The following LPL variants were observed in gnomAD, a reference collection of about 807,000 sequenced individuals.
LPL encodes lipoprotein lipase.
Under a neutral mutation model 52.2 loss-of-function variants are expected in LPL, and 43 were observed. That is an observed-to-expected ratio of 0.82 (90% CI 0.64 to 1.06). The LOEUF (loss-of-function observed/expected upper bound fraction) is 1.06. Among genes scored for constraint, LPL ranks in the 50% least tolerant of loss-of-function variants. The pLI, the probability that LPL is intolerant of heterozygous loss-of-function variation, is 0.00. For synonymous variants in LPL, 244 were observed against 215.6 expected (o/e 1.13, Z -1.15); for missense variants, 639 against 585.3 (o/e 1.09, Z -0.95).
chr8:19,964,007 T>C (rs527911091), intron 9 of LPL, among the ~76,000 whole-genome samples: 3 of 152,092 alleles, frequency 2.0e-5, no homozygotes, highest in African/African-American at 7.2e-5. Flanking sequence ...GGCTGGAGTG[T>C]AGTGGCTCGA....
At chr8:19,955,541 C>T (rs930005582) in intron 5 of LPL, among the ~76,000 whole-genome samples, 1 of 152,122 alleles carries the variant, frequency 6.6e-6, no homozygotes, top group African/African-American at 2.4e-5. Context: ...ATGAGATAAA[C>T]AAGGAAATCA....
chr8:19,961,165 C>T (rs986110141), intron 8 of LPL, 82 bp downstream of exon 8: 14 of 1,216,030 alleles, frequency 1.2e-5, no homozygotes, highest in African/African-American at 6.1e-5. Context: ...GGGGCCTTCA[C>T]AATTCAGGGA....
Position 19,951,892 on chromosome 8 carries a change from G to T in LPL, c.373G>T (p.Ala125Ser). ...SRAQEHYPVS[A>S]GYTKLVGQDV... Reference sequence around the variant, plus strand: ...GGCTCAGGAGCATTACCCAGTGTCCGCGGGCTACACCAAACTGGTGGGACA... The same window carrying T: ...GGCTCAGGAGCATTACCCAGTGTCCTCGGGCTACACCAAACTGGTGGGACA... Residue 125 changes from alanine (A) to serine (S), a missense_variant, in exon 3 of 10, where the codon GCG becomes TCG. Coordinates refer to ENST00000650287, the MANE Select transcript of LPL (RefSeq NM_000237.3). 1 of 1,614,110 alleles carries T rather than the reference G, an allele frequency of 6.2e-7. No homozygotes were observed. The highest frequency in any genetic ancestry group is 2.2e-5 in the East Asian group (1 of 44,874).
Position 19,961,389 on chromosome 8 carries a change from T to C in LPL, c.1322+306T>C, listed in dbSNP as rs1590148205. 2.0e-5 allele frequency among the ~76,000 whole-genome samples: 3 copies of C among 152,184 alleles called. No individual in the cohort carries two copies. The South Asian group carries it at 6.2e-4, about 32-fold the overall frequency. On this transcript the variant is annotated intron_variant, in intron 8 of 9. Coordinates refer to ENST00000650287, the MANE Select transcript of LPL (RefSeq NM_000237.3). ...TCAGCTTCTCATTTGGCACTGTTTC[T>C]TGTAAGTACAAAATAGTTAGGGAAC...
chr8:19,964,892 A>G (rs896545562), intron 9 of LPL, among the ~76,000 whole-genome samples: 2 of 152,182 alleles, frequency 1.3e-5, no homozygotes, highest in African/African-American at 4.8e-5. Flanking sequence ...TAGACTAATA[A>G]TCTTCTACAG....
At chr8:19,961,704 A>T (rs958804919) in intron 8 of LPL, among the ~76,000 whole-genome samples, 2 of 150,078 alleles carry the variant, frequency 1.3e-5, no homozygotes, top group African/African-American at 4.9e-5. Flanking sequence ...CAAACAAACA[A>T]AAAAAAAAAG....
chr8:19,957,825 C>T (rs914758993), intron 6 of LPL, among the ~76,000 whole-genome samples: 3 of 151,992 alleles, frequency 2.0e-5, no homozygotes, highest in African/African-American at 7.3e-5. Context: ...GGACAAGAGT[C>T]TAAAGCAGCA....
In LPL at chr8:19,950,858, G is replaced by A. The variant is rs1405133919; in HGVS notation, c.250-911G>A. Among the ~76,000 whole-genome samples, 1 of 149,008 alleles carries A rather than the reference G, an allele frequency of 6.7e-6. No individual in the cohort carries two copies. The highest frequency in any genetic ancestry group is 6.8e-5 in the Admixed American group (1 of 14,746). Reference sequence around the variant, plus strand: ...GAAGGAATGAAAGGAAGGAAGGGAAGGAGGAAGGGAAGGAGGGAGGGAGGA... The same window carrying A: ...GAAGGAATGAAAGGAAGGAAGGGAAAGAGGAAGGGAAGGAGGGAGGGAGGA... On this transcript the variant is annotated intron_variant, in intron 2 of 9. Coordinates refer to ENST00000650287, the MANE Select transcript of LPL (RefSeq NM_000237.3). The surrounding 1 kb of genome is among the most constrained non-coding windows in gnomAD (Gnocchi z 4.2).
At chr8:19,948,461 C>T in intron 2 of LPL, 121 bp downstream of exon 2, 1 of 1,173,648 alleles carries the variant, frequency 8.5e-7, no homozygotes, top group Non-Finnish European at 1.2e-6. Flanking sequence ...TCTCCTTACA[C>T]TTGAATAAAG....
In LPL at chr8:19,953,475, TGAGA is replaced by T. The variant is rs1476328002; in HGVS notation, c.541+59_541+62del. On this transcript the variant is annotated intron_variant, in intron 4 of 9. Coordinates refer to ENST00000650287, the MANE Select transcript of LPL (RefSeq NM_000237.3). Reference sequence around the variant, plus strand: ...ATAAGAGGTGAAAAGACTGTCATTCTGAGAGAGAATCAGAACAAATTTTGTTAAA... The same window carrying T: ...ATAAGAGGTGAAAAGACTGTCATTCTGAGAATCAGAACAAATTTTGTTAAA... 25 of 1,359,896 alleles carry T rather than the reference TGAGA, an allele frequency of 1.8e-5. No individual in the cohort carries two copies. In the East Asian group the frequency reaches 3.9e-4, roughly 21 times the overall value. 84.2% of individuals were successfully genotyped at this position (1,359,896 alleles called of 1,614,324 possible).
At chr8:19,943,745 T>C (rs1375722488) in intron 1 of LPL, among the ~76,000 whole-genome samples, 1 of 152,212 alleles carries the variant, frequency 6.6e-6, no homozygotes, top group East Asian at 1.9e-4. Flanking sequence ...AGTGGGGCAA[T>C]TTTAATACAC....
chr8:19,947,667 G>A (rs186034619), intron 1 of LPL, among the ~76,000 whole-genome samples: 2 of 36,544 alleles, frequency 5.5e-5, no homozygotes, highest in Admixed American at 3.9e-4. Context: ...CCCCCCCCCC[G>A]CCCCACACAC....
chr8:19,964,968 C>A lies in LPL; in HGVS notation c.*-342C>A, dbSNP rs568486975. On this transcript the variant is annotated intron_variant, in intron 9 of 9. Transcript: ENST00000650287. The stretch of plus-strand genomic sequence containing the variant: ...CTCTTTCTCACACCTTCTGCTAACT[C>A]CTCAGAAACCTCATATCACAAGAAA... Among the ~76,000 whole-genome samples the A allele has an allele frequency of 2.0e-5, 3 of 152,296 alleles. No homozygotes were observed. The East Asian group carries it at 5.8e-4, about 29-fold the overall frequency.
Position 19,954,267 on chromosome 8 carries a change from T to C in LPL, c.689T>C (p.Val230Ala), listed in dbSNP as rs762857494. 6.2e-7 allele frequency: 1 copy of C among 1,614,178 alleles called. No individual in the cohort carries two copies. ...SIGIQKPVGH[V>A]DIYPNGGTFQ... ...GGAATCCAGAAACCAGTTGGGCATG[T>C]TGACATTTACCCGAATGGAGGTACT... is the stretch of plus-strand genomic sequence containing the variant. The change falls in exon 5 of 10, where the codon GTT becomes GCT. Residue 230 changes from valine (V) to alanine (A), a missense_variant. Val to Ala is a moderately conservative substitution (Grantham distance 64, BLOSUM62 0). Transcript: ENST00000650287.
chr8:19,948,034 T>A (rs973757756), intron 1 of LPL, 146 bp from the exon 2 acceptor site: 1 of 780,962 alleles, frequency 1.3e-6, no homozygotes, highest in African/African-American at 1.7e-5. Flanking sequence ...TCTGTTGTTC[T>A]CTTGCAATCC....
At chr8:19,955,481 T>C (rs937976274) in intron 5 of LPL, among the ~76,000 whole-genome samples, 39 of 152,184 alleles carry the variant, frequency 2.6e-4, no homozygotes, top group African/African-American at 9.2e-4. Context: ...GGCAGGTATA[T>C]GTTTCTAGAA....
chr8:19,963,548 A>T (rs532915037), intron 9 of LPL, among the ~76,000 whole-genome samples: 44 of 152,282 alleles, frequency 2.9e-4, no homozygotes, highest in African/African-American at 1.1e-3. Flanking sequence ...TTTACTATAA[A>T]TAGATTAGGA....
At position 19,962,153 on chromosome 8, in the gene LPL, A is replaced by C; in HGVS notation, c.1361A>C (p.Gln454Pro). Residue 454 changes from glutamine to proline, a missense_variant, in exon 9 of 10, where the codon CAG (glutamine) becomes CCG (proline). Physicochemically the swap from Gln to Pro is moderately conservative, Grantham distance 76. Coordinates refer to ENST00000650287, the MANE Select transcript of LPL (RefSeq NM_000237.3). ...FCSREKVSHL[Q>P]KGKAPAVFVK... ...TCTAGGGAGAAAGTGTCTCATTTGC[A>C]GAAAGGAAAGGCACCTGCGGTATTT... The C allele has an allele frequency of 6.2e-7, 1 of 1,613,932 alleles. No homozygotes were observed. The highest frequency in any genetic ancestry group is 8.5e-7 in the Non-Finnish European group (1 of 1,179,848).
intron 2 of LPL, among the ~76,000 whole-genome samples, chr8:19,948,699 G>A (rs1426773578): frequency 2.6e-5 from 4 of 152,144 alleles, no homozygotes; most frequent in Non-Finnish European, 5.9e-5. Flanking sequence ...ATTGCCAGGA[G>A]AACCTTTCTA....
Sources: allele counts gnomAD v4.1 joint callset (sites outside exome capture counted in the v4.1 genomes callset), GRCh38; gene constraint gnomAD v4.1.1; non-coding constraint Gnocchi (gnomAD v3.1); transcripts MANE v1.5; gene names NCBI Gene and HGNC (gene_info 2026-07-23, HGNC 2026-07-21).